The following GRM7 variants were observed in gnomAD, a reference collection of about 807,000 sequenced individuals.
GRM7 encodes glutamate metabotropic receptor 7, also known as metabotropic glutamate receptor 7.
A neutral mutation model predicts 84.5 loss-of-function variants in GRM7; 35 were observed. The observed-to-expected ratio is 0.41, with a 90% CI of 0.32 to 0.55. The LOEUF (loss-of-function observed/expected upper bound fraction) is 0.55. Ranked by LOEUF, GRM7 falls within the 20% of genes least tolerant of loss-of-function variation. The pLI is 0.19. For synonymous variants in GRM7, 487 were observed against 455.1 expected, an observed-to-expected ratio of 1.07 and a Z score of -0.89; for missense variants, 1,003 against 1,194.6, an observed-to-expected ratio of 0.84 and a Z score of 2.36.
intron 9 of GRM7, among the ~76,000 whole-genome samples, chr3:7,684,226 G>A (rs570044199): frequency 1.3e-5 from 2 of 152,236 alleles, no homozygotes; most frequent in African/African-American, 4.8e-5. Context: ...TTGTAACAGA[G>A]ATAAATGACA....
intron 4 of GRM7, among the ~76,000 whole-genome samples, chr3:7,327,250 G>T (rs1701024607): frequency 1.3e-5 from 2 of 152,054 alleles, no homozygotes; most frequent in Non-Finnish European, 2.9e-5. Context: ...TTAAACATGG[G>T]CTCCAAGTGA....
chr3:7,544,738 CT>C (rs1250750457), intron 7 of GRM7, among the ~76,000 whole-genome samples: 32 of 152,240 alleles, frequency 2.1e-4, no homozygotes, highest in Non-Finnish European at 2.2e-4. Flanking sequence ...TATTTCTTTA[CT>C]TTTTTTCAAT....
In GRM7 at chr3:6,889,300, T is replaced by G. The variant is rs971226949; in HGVS notation, c.519+27393T>G. 6.6e-5 allele frequency among the ~76,000 whole-genome samples: 10 copies of G among 152,218 alleles called. No individual in the cohort carries two copies. In the East Asian group the frequency reaches 7.7e-4, roughly 12 times the overall value. On this transcript the variant is annotated intron_variant, in intron 1 of 9. Transcript: ENST00000357716. The stretch of plus-strand genomic sequence containing the variant: ...AGGAGTGATGAGAGAGGGCATCCCT[T>G]TCTTGTGCCAGTTTTCAAAGGGAAT...
chr3:7,083,439 A>G (rs373637742), intron 1 of GRM7, among the ~76,000 whole-genome samples: 1 of 152,252 alleles, frequency 6.6e-6, no homozygotes, highest in East Asian at 1.9e-4. Flanking sequence ...AAACCAAAAA[A>G]ACCTCATGTG....
At position 7,146,568 on chromosome 3, in the gene GRM7, T is replaced by C. The variant is rs1428548203; in HGVS notation, c.636T>C (p.Ile212=). The C allele has an allele frequency of 5.6e-6, 9 of 1,613,800 alleles. No individual in the cohort carries two copies. The highest frequency in any genetic ancestry group is 7.6e-6 in the Non-Finnish European group (9 of 1,179,912). ...TCCAAGCCCAGGCCATGGTAGACAT[T>C]GTAAAGGCCCTAGGCTGGAATTATG... The part of the protein sequence containing the change: ...DSFQAQAMVD[I]VKALGWNYVS... The change falls in exon 2 of 10, where the codon ATT becomes ATC. Residue 212 remains isoleucine, a synonymous_variant. Coordinates refer to ENST00000357716, the MANE Select transcript of GRM7 (RefSeq NM_000844.4).
intron 2 of GRM7, among the ~76,000 whole-genome samples, chr3:7,197,073 G>A (rs1192342280): frequency 6.6e-6 from 1 of 152,082 alleles, no homozygotes; most frequent in Non-Finnish European, 1.5e-5. Context: ...TACATTCTTA[G>A]CCACAATGTC....
chr3:7,195,221 G>T (rs1027273403), intron 2 of GRM7, among the ~76,000 whole-genome samples: 14 of 152,202 alleles, frequency 9.2e-5, no homozygotes, highest in Admixed American at 9.2e-4. Context: ...ACTTATAATT[G>T]CTCTCTGAAT....
intron 2 of GRM7, among the ~76,000 whole-genome samples, chr3:7,229,760 T>TATATATATATA (rs68069165): frequency 1.1e-3 from 25 of 23,430 alleles, no homozygotes; most frequent in African/African-American, 1.7e-3. Flanking sequence ...TATATATATA[T>TATATATATATA]TTTTTTTTTT....
chr3:7,372,535 G>A (rs1262653884), intron 4 of GRM7, among the ~76,000 whole-genome samples: 1 of 152,088 alleles, frequency 6.6e-6, no homozygotes, highest in Non-Finnish European at 1.5e-5. Flanking sequence ...GGCCTTAATT[G>A]TACGCCATTC....
chr3:6,997,562 C>T (rs1694867268), intron 1 of GRM7, among the ~76,000 whole-genome samples: 1 of 152,138 alleles, frequency 6.6e-6, no homozygotes, highest in Admixed American at 6.5e-5. Context: ...GTAACTGCCC[C>T]CATGATTCAA....
chr3:6,938,556 A>G (rs1697773962), intron 1 of GRM7, among the ~76,000 whole-genome samples: 1 of 152,210 alleles, frequency 6.6e-6, no homozygotes, highest in East Asian at 1.9e-4. Context: ...AGGGGATTTA[A>G]AAATAATAAG....
chr3:6,997,007 G>C (rs1694849238), intron 1 of GRM7, among the ~76,000 whole-genome samples: 1 of 152,186 alleles, frequency 6.6e-6, no homozygotes, highest in East Asian at 1.9e-4. Context: ...TTGCAGTGTA[G>C]TAAGAAGTTA....
At chr3:7,630,146 G>C (rs1559450438) in intron 8 of GRM7, among the ~76,000 whole-genome samples, 1 of 152,160 alleles carries the variant, frequency 6.6e-6, no homozygotes, top group Admixed American at 6.5e-5. Context: ...TAAAACTTCA[G>C]ATGACAAGAA....
chr3:7,256,838 T>C (rs561740535), intron 2 of GRM7, among the ~76,000 whole-genome samples: 68 of 152,326 alleles, frequency 4.5e-4, no homozygotes, highest in Non-Finnish European at 8.4e-4. Context: ...TAATCAATTT[T>C]CCAATAGAGA....
At chr3:7,693,207 C>T (rs75028256) in intron 9 of GRM7, among the ~76,000 whole-genome samples, 124 of 152,172 alleles carry the variant, frequency 8.1e-4, no homozygotes, top group African/African-American at 2.7e-3. Flanking sequence ...AGAGTTCAAA[C>T]GATGAGTCTT....
intron 1 of GRM7, among the ~76,000 whole-genome samples, chr3:7,004,536 C>T (rs552408271): frequency 3.3e-5 from 5 of 152,018 alleles, no homozygotes; most frequent in Admixed American, 6.6e-5. Flanking sequence ...GAAAGGGTTA[C>T]GTGAAATATC....
chr3:7,723,902 A>G (rs1333858087), intron 9 of GRM7, among the ~76,000 whole-genome samples: 1 of 152,138 alleles, frequency 6.6e-6, no homozygotes, highest in Admixed American at 6.5e-5. Flanking sequence ...CCCTAAAATA[A>G]TTTAAGTAGT....
chr3:7,086,453 A>G (rs1301206507), intron 1 of GRM7, among the ~76,000 whole-genome samples: 1 of 152,172 alleles, frequency 6.6e-6, no homozygotes, highest in Non-Finnish European at 1.5e-5. Context: ...GTTTTGTTAT[A>G]TTAAAGTAGT....
chr3:7,057,925 G>C (rs1202009614), intron 1 of GRM7, among the ~76,000 whole-genome samples: 1 of 151,904 alleles, frequency 6.6e-6, no homozygotes, highest in Non-Finnish European at 1.5e-5. Context: ...GGATTCATCA[G>C]GTATCTAGAC....
Sources: allele counts gnomAD v4.1 joint callset (sites outside exome capture counted in the v4.1 genomes callset), GRCh38; gene constraint gnomAD v4.1.1; transcripts MANE v1.5; gene names NCBI Gene and HGNC (gene_info 2026-07-23, HGNC 2026-07-21).